STMN4: variants seen among roughly 807,000 people sequenced by gnomAD.
The protein encoded by STMN4 is stathmin 4.
A neutral mutation model predicts 29.1 loss-of-function variants in STMN4; 12 were observed. That is an observed-to-expected ratio of 0.41 (90% CI 0.26 to 0.67). The LOEUF (loss-of-function observed/expected upper bound fraction) is 0.67, where lower values mean the gene tolerates loss of function less well. Among genes scored for constraint, STMN4 ranks in the 30% least tolerant of loss-of-function variants. The pLI is 0.30. For synonymous variants in STMN4, 114 were observed against 105.3 expected (o/e 1.08, Z -0.51); for missense variants, 181 against 262.8 (o/e 0.69, Z 2.15).
Position 27,241,039 on chromosome 8 carries a change from A to G in STMN4, c.399+15T>C. 2 of 1,605,650 alleles carry G rather than the reference A, an allele frequency of 1.2e-6. No individual in the cohort carries two copies. The highest frequency in any genetic ancestry group is 1.7e-6 in the Non-Finnish European group (2 of 1,174,882). ...TATGCTGAGAGGGAGGAAAGAAGGA[A>G]GGGTCAGCATTTACCTTCCTTCGCT... On this transcript the variant is annotated intron_variant, in intron 5 of 6. Transcript: ENST00000350889.
Position 27,241,662 on chromosome 8 carries a change from C to A in STMN4, c.190+15G>T, listed in dbSNP as rs2130069742. On this transcript the variant is annotated intron_variant, in intron 4 of 6. Coordinates refer to ENST00000350889, the MANE Select transcript of STMN4 (RefSeq NM_030795.4). ...ACGCTCGGCCTGCGGAATCCCTCCG[C>A]TGCCTCCCTCCTACCCTGAGCTCTT... 2 of 1,614,116 alleles carry A rather than the reference C, an allele frequency of 1.2e-6. No homozygotes were observed. Among genetic ancestry groups the A allele is most frequent in the Non-Finnish European group, 1.7e-6 (2 of 1,179,964 alleles).
At chr8:27,249,805 G>A (rs1013397745) in intron 1 of STMN4, among the ~76,000 whole-genome samples, 1 of 152,192 alleles carries the variant, frequency 6.6e-6, no homozygotes, top group African/African-American at 2.4e-5. Flanking sequence ...CCTACTGGGT[G>A]TATGCCTGAC....
At chr8:27,257,550 C>A (rs563141375) in intron 1 of STMN4, among the ~76,000 whole-genome samples, 1 of 151,986 alleles carries the variant, frequency 6.6e-6, no homozygotes, top group African/African-American at 2.4e-5. Flanking sequence ...CTCCACCACA[C>A]CTGATTGTGT....
chr8:27,239,602 C>T, intron 6 of STMN4: 3 of 1,111,740 alleles, frequency 2.7e-6, no homozygotes, highest in South Asian at 3.5e-5. Flanking sequence ...AGCATCTTTC[C>T]TTCCATCAAA....
intron 1 of STMN4, among the ~76,000 whole-genome samples, chr8:27,249,971 G>C (rs1402802502): frequency 1.3e-5 from 2 of 152,202 alleles, no homozygotes; most frequent in African/African-American, 4.8e-5. Flanking sequence ...GGCTTGAACA[G>C]AGTTGTACCT....
At chr8:27,243,164 G>C (rs17056936) in intron 2 of STMN4, among the ~76,000 whole-genome samples, 3 of 152,248 alleles carry the variant, frequency 2.0e-5, no homozygotes, top group East Asian at 1.9e-4. Flanking sequence ...CTTGGGGCCC[G>C]TGTGTCTGGC....
chr8:27,239,468 C>T, intron 6 of STMN4: 2 of 708,942 alleles, frequency 2.8e-6, no homozygotes, highest in Non-Finnish European at 4.6e-6. Flanking sequence ...TGACAAAAGG[C>T]AACATATTGG....
rs563240324 is a variant in STMN4 at position 27,247,080 on chromosome 8, C to A, written c.-78-3279G>T. Among the ~76,000 whole-genome samples the A allele has an allele frequency of 2.6e-5, 4 of 152,018 alleles. No homozygotes were observed. In the South Asian group the frequency reaches 6.2e-4, roughly 24 times the overall value. On this transcript the variant is annotated intron_variant, in intron 1 of 6. Transcript: ENST00000350889. ...GACCAGCCTGGCCAACATGGTGAAA[C>A]CCCATCTCTACTAAAAATACAAAAA... is the stretch of plus-strand genomic sequence containing the variant.
chr8:27,251,108 G>A (rs112641566), intron 1 of STMN4, among the ~76,000 whole-genome samples: 9,519 of 151,900 alleles, frequency 0.063, 419 homozygotes, highest in Non-Finnish European at 0.092. Flanking sequence ...TTAGCCCAGC[G>A]TGGTGGTGCA....
In STMN4 at chr8:27,254,673, T is replaced by C. The variant is rs1801888693; in HGVS notation, c.-79+3678A>G. Among the ~76,000 whole-genome samples the C allele has an allele frequency of 4.4e-5, 6 of 136,154 alleles. No homozygotes were observed. In the South Asian group the frequency reaches 1.4e-3, roughly 32 times the overall value. 89.3% of individuals were successfully genotyped at this position (136,154 alleles called of 152,430 possible). A position where few individuals can be genotyped will look rare whatever the true frequency, so the allele number is the denominator to read the frequency against. ...GGGAGTGTTCAGATGTGGGGGTTCA[T>C]GTGTGTGTAGGGGATGGAGTGGGAG... On this transcript the variant is annotated intron_variant, in intron 1 of 6. Transcript: ENST00000350889.
Position 27,243,793 on chromosome 8 carries a change from G to C in STMN4, c.-70C>G. 6.2e-7 allele frequency: 1 copy of C among 1,614,084 alleles called. No individual in the cohort carries two copies. Among genetic ancestry groups the C allele is most frequent in the Non-Finnish European group, 8.5e-7 (1 of 1,179,972 alleles). On this transcript the variant is annotated 5_prime_UTR_variant, in exon 2 of 7. Transcript: ENST00000350889. ...GGGTCTGTCACCAGCTTGGGACGCT[G>C]TCACCAACCTGAGAAAAGGGGAGGA... is the stretch of plus-strand genomic sequence containing the variant.
chr8:27,240,920 G>C (rs942393025), intron 5 of STMN4, 134 bp downstream of exon 5: 21 of 866,836 alleles, frequency 2.4e-5, no homozygotes, highest in African/African-American at 1.9e-4. Flanking sequence ...ATTCTCCACC[G>C]CACACTCGGG....
chr8:27,242,027 T>C (rs775754722), intron 3 of STMN4: 8 of 572,284 alleles, frequency 1.4e-5, no homozygotes, highest in Non-Finnish European at 2.5e-5. Flanking sequence ...AGGAGACCTG[T>C]TGACCTGGAA....
chr8:27,256,477 A>G (rs1801945579), intron 1 of STMN4, among the ~76,000 whole-genome samples: 1 of 152,240 alleles, frequency 6.6e-6, no homozygotes, highest in African/African-American at 2.4e-5. Flanking sequence ...ATGTTTCTCA[A>G]ACTTTTTTGA....
chr8:27,255,471 C>T (rs1260727620), intron 1 of STMN4, among the ~76,000 whole-genome samples: 1 of 152,072 alleles, frequency 6.6e-6, no homozygotes, highest in Non-Finnish European at 1.5e-5. Flanking sequence ...AAAAATTAAG[C>T]CTTTCTTTGA....
chr8:27,253,119 A>G (rs1031593618), intron 1 of STMN4, among the ~76,000 whole-genome samples: 1 of 152,042 alleles, frequency 6.6e-6, no homozygotes, highest in African/African-American at 2.4e-5. Flanking sequence ...TTCCATTCCT[A>G]CCTCTTTTCA....
At chr8:27,239,875 C>A (rs1801414195) in intron 6 of STMN4, 96 bp downstream of exon 6, 1 of 1,596,684 alleles carries the variant, frequency 6.3e-7, no homozygotes, top group Non-Finnish European at 8.5e-7. Context: ...CCTGAGGCTG[C>A]TTCCTCCCTG....
intron 1 of STMN4, among the ~76,000 whole-genome samples, chr8:27,252,170 A>C (rs964937688): frequency 6.6e-6 from 1 of 152,050 alleles, no homozygotes; most frequent in African/African-American, 2.4e-5. Flanking sequence ...ATAGTATTCC[A>C]TGGTGTATAT....
chr8:27,238,402 G>T (rs960354217), intron 6 of STMN4, among the ~76,000 whole-genome samples: 7 of 152,198 alleles, frequency 4.6e-5, no homozygotes, highest in African/African-American at 1.7e-4. Context: ...AGGTCCCAAA[G>T]GGATGCTGCC....
Sources: gnomAD v4.1 joint callset for allele counts (sites outside exome capture counted in the v4.1 genomes callset) on GRCh38, gnomAD v4.1.1 for gene constraint, MANE v1.5 for transcripts, NCBI Gene and HGNC (gene_info 2026-07-23, HGNC 2026-07-21) for gene names.